The following IWS1 variants were observed in gnomAD, a reference collection of about 807,000 sequenced individuals.
The protein encoded by IWS1 is protein IWS1 homolog.
A neutral mutation model predicts 86.7 loss-of-function variants in IWS1; 27 were observed. That is an observed-to-expected ratio of 0.31 (90% CI 0.23 to 0.43). The LOEUF is 0.43. IWS1 is among the 20% of genes least tolerant of loss of function. The pLI, the probability that IWS1 is intolerant of heterozygous loss-of-function variation, is 1.00. For synonymous variants in IWS1, 313 were observed against 335.1 expected (o/e 0.93, Z 0.72); for missense variants, 827 against 1,000.8 (o/e 0.83, Z 2.34).
intron 2 of IWS1, among the ~76,000 whole-genome samples, chr2:127,513,944 C>T (rs1243853031): frequency 6.6e-6 from 1 of 152,108 alleles, no homozygotes; most frequent in Non-Finnish European, 1.5e-5. Flanking sequence ...AGGGGTGGGT[C>T]CCTGGTGAAA....
Position 127,486,542 on chromosome 2 carries a change from C to G in IWS1, c.2328+11G>C. On this transcript the variant is annotated intron_variant, in intron 13 of 13. Coordinates refer to ENST00000295321, the MANE Select transcript of IWS1 (RefSeq NM_017969.3). ...GGTGAGATCCACCTTGCCGATCCTC[C>G]GCTTGCTTACCCTGGATGACTCCAT... The G allele has an allele frequency of 1.3e-6, 2 of 1,595,530 alleles. No homozygotes were observed. The highest frequency in any genetic ancestry group is 1.7e-6 in the Non-Finnish European group (2 of 1,163,150).
chr2:127,500,269 A>AG (rs1690730490), intron 5 of IWS1, among the ~76,000 whole-genome samples: 2 of 152,214 alleles, frequency 1.3e-5, no homozygotes, highest in Admixed American at 1.3e-4. Context: ...ATTGCCAAAG[A>AG]GGATTATACG....
At position 127,490,523 on chromosome 2, in the gene IWS1, TTCTAAG is replaced by T. The variant is rs562337513; in HGVS notation, c.2048-586_2048-581del. 5.3e-5 allele frequency among the ~76,000 whole-genome samples: 8 copies of T among 152,312 alleles called. No individual in the cohort carries two copies. In the South Asian group the frequency reaches 1.7e-3, roughly 32 times the overall value. On this transcript the variant is annotated intron_variant, in intron 10 of 13. Coordinates refer to ENST00000295321, the MANE Select transcript of IWS1 (RefSeq NM_017969.3). ...GTCCAGGAGCCAACTGATGTCTTTG[TTCTAAG>T]ACATAATGTAGCTTACTGCTACATT...
chr2:127,505,690 G>A lies in IWS1; in HGVS notation c.213C>T (p.Asn71=), dbSNP rs757882703. Residue 71 remains asparagine (N), a synonymous_variant, in exon 3 of 14, where the codon AAC becomes AAT. Transcript: ENST00000295321. The surrounding 1 kb of genome is among the most constrained non-coding windows in gnomAD (Gnocchi z 5.0). ...TAGCATTAAGATTTAAGGGCTCATC[G>A]TTCTCAGAGTCTGTCACATGATGTC... ...PKGHHVTDSE[N]DEPLNLNASD... is the part of the protein sequence containing the mutation. 35 of 1,612,482 alleles carry A rather than the reference G, an allele frequency of 2.2e-5. No individual in the cohort carries two copies. The highest frequency in any genetic ancestry group is 2.0e-4 in the South Asian group (18 of 90,848).
chr2:127,486,334 A>G, intron 13 of IWS1: 1 of 416,818 alleles, frequency 2.4e-6, no homozygotes, highest in South Asian at 3.1e-5. Context: ...TGTTGAATTA[A>G]GACTGAAGAA....
chr2:127,522,544 T>C (rs1166354510), intron 2 of IWS1, among the ~76,000 whole-genome samples: 1 of 152,262 alleles, frequency 6.6e-6, no homozygotes, highest in Non-Finnish European at 1.5e-5. Flanking sequence ...TGACACATAT[T>C]AGGTGCTCAA....
chr2:127,491,918 T>C (rs1690248530), intron 10 of IWS1, 53 bp downstream of exon 10: 2 of 1,023,228 alleles, frequency 2.0e-6, no homozygotes, highest in Middle Eastern at 4.2e-4. Flanking sequence ...TATACGCATC[T>C]CTCTCTTATC....
rs746410931 is a variant in IWS1, at chr2:127,505,308, C to T, written c.595G>A (p.Glu199Lys). ...CGAGGTTTGGGAGGCTCCTCATTTT[C>T]GGAGTCACTGGCTTGGTGCCTTGGG... ...EPPRHQASDSENEEPPKPRMS... is the reference protein window; with the variant it reads ...EPPRHQASDSKNEEPPKPRMS... The change falls in exon 3 of 14, where the codon GAA (glutamate) becomes AAA (lysine). Residue 199 changes from glutamate (E) to lysine (K), a missense_variant. Glu to Lys is a moderately conservative substitution (Grantham distance 56). Coordinates refer to ENST00000295321, the MANE Select transcript of IWS1 (RefSeq NM_017969.3). This position sits in a 1 kb window ranked among gnomAD's most constrained non-coding sequence, Gnocchi z 5.0. 4.3e-6 allele frequency: 7 copies of T among 1,613,866 alleles called. No individual in the cohort carries two copies. Among genetic ancestry groups the T allele is most frequent in the South Asian group, 1.1e-5 (1 of 90,970 alleles).
chr2:127,489,620 C>G lies in IWS1; in HGVS notation c.2159+212G>C. ...TATCCTGAAACAGGCCCTGTTCCAA[C>G]AAACTGACCCAGAAAGGTCTGGTTA... On this transcript the variant is annotated intron_variant, in intron 11 of 13. Coordinates refer to ENST00000295321, the MANE Select transcript of IWS1 (RefSeq NM_017969.3). This position sits in a 1 kb window ranked among gnomAD's most constrained non-coding sequence, Gnocchi z 4.8. 1 of 549,784 alleles carries G rather than the reference C, an allele frequency of 1.8e-6. No individual in the cohort carries two copies. Among genetic ancestry groups the G allele is most frequent in the Non-Finnish European group, 3.2e-6 (1 of 311,568 alleles). The allele number at this position is 549,784 out of a possible 1,614,324, so 34.1% of individuals were successfully genotyped here.
intron 5 of IWS1, chr2:127,501,763 T>C (rs955081957): frequency 3.2e-5 from 4 of 126,374 alleles, no homozygotes; most frequent in East Asian, 2.7e-4. Flanking sequence ...TATTTTACCC[T>C]GGCTGGTTTC....
At chr2:127,496,805 T>G (rs1056100760) in intron 6 of IWS1, among the ~76,000 whole-genome samples, 1 of 152,218 alleles carries the variant, frequency 6.6e-6, no homozygotes, top group Admixed American at 6.5e-5. Flanking sequence ...CTTGAACTCC[T>G]GGCCTCAAGT....
chr2:127,524,066 C>T (rs1045213411), intron 1 of IWS1, among the ~76,000 whole-genome samples: 1 of 152,200 alleles, frequency 6.6e-6, no homozygotes, highest in African/African-American at 2.4e-5. Context: ...CAATTTATTT[C>T]AACTTCATGT....
chr2:127,523,642 A>G (rs1692231637), intron 2 of IWS1, 34 bp downstream of exon 2: 3 of 1,398,340 alleles, frequency 2.1e-6, no homozygotes, highest in African/African-American at 2.8e-5. Context: ...AACGCAAGGG[A>G]AAAGCCCTCC....
At chr2:127,521,945 T>A (rs1692119807) in intron 2 of IWS1, among the ~76,000 whole-genome samples, 1 of 152,238 alleles carries the variant, frequency 6.6e-6, no homozygotes, top group African/African-American at 2.4e-5. Flanking sequence ...CTCTGAATGC[T>A]GTTTCCAAAG....
chr2:127,505,958 T>C lies in IWS1; in HGVS notation c.151-206A>G, dbSNP rs1030729351. On this transcript the variant is annotated intron_variant, in intron 2 of 13. Transcript: ENST00000295321. This position sits in a 1 kb window ranked among gnomAD's most constrained non-coding sequence, Gnocchi z 5.0. ...TTATTTGGATCCCCAAATGGGGAAA[T>C]ATAACCAGCCTTCATCAAAACAGAT... 1 of 460,992 alleles carries C rather than the reference T, an allele frequency of 2.2e-6. No individual in the cohort carries two copies. Among genetic ancestry groups the C allele is most frequent in the Non-Finnish European group, 3.8e-6 (1 of 263,822 alleles). The allele number at this position is 460,992 out of a possible 1,614,324, so 28.6% of individuals were successfully genotyped here. A position where few individuals can be genotyped will look rare whatever the true frequency, so the allele number is the denominator to read the frequency against.
At chr2:127,503,271 A>G in intron 4 of IWS1, 116 bp downstream of exon 4, 3 of 735,624 alleles carry the variant, frequency 4.1e-6, no homozygotes, top group Non-Finnish European at 6.6e-6. Context: ...TTCAGGAACT[A>G]AAATACTAAA....
chr2:127,493,676 G>C (rs771386981), intron 8 of IWS1, among the ~76,000 whole-genome samples: 1 of 151,400 alleles, frequency 6.6e-6, no homozygotes, highest in African/African-American at 2.4e-5. Flanking sequence ...TGATATGAAT[G>C]GTACAGACAG....
intron 10 of IWS1, among the ~76,000 whole-genome samples, chr2:127,491,513 G>A (rs773593635): frequency 6.6e-6 from 1 of 151,952 alleles, no homozygotes; most frequent in Non-Finnish European, 1.5e-5. Flanking sequence ...GCGCGATCTC[G>A]GCTCACTGCA....
At chr2:127,485,087 T>C (rs1689859613) in intron 13 of IWS1, among the ~76,000 whole-genome samples, 1 of 152,070 alleles carries the variant, frequency 6.6e-6, no homozygotes, top group Non-Finnish European at 1.5e-5. Flanking sequence ...GGGACACGGA[T>C]ATGGGCACAA....
Sources: allele counts gnomAD v4.1 joint callset (sites outside exome capture counted in the v4.1 genomes callset), GRCh38; gene constraint gnomAD v4.1.1; non-coding constraint Gnocchi (gnomAD v3.1); transcripts MANE v1.5; gene names NCBI Gene and HGNC (gene_info 2026-07-23, HGNC 2026-07-21).